The following DNAH3 variants were observed in gnomAD, a reference collection of about 807,000 sequenced individuals.
DNAH3 encodes dynein axonemal heavy chain 3, also known as axonemal beta dynein heavy chain 3.
A neutral mutation model predicts 432.5 loss-of-function variants in DNAH3; 332 were observed. The ratio of observed to expected loss-of-function variants is 0.77; its 90% confidence interval spans 0.70 to 0.84. The LOEUF is 0.84. Ranked by LOEUF, DNAH3 falls within the 40% of genes least tolerant of loss-of-function variation. DNAH3 has a pLI of 0.00. For synonymous variants in DNAH3, 1,956 were observed against 1,900.2 expected (o/e 1.03, Z -0.76); for missense variants, 4,861 against 5,114.0 (o/e 0.95, Z 1.51).
rs201869307 is a variant in DNAH3 at position 20,974,590 on chromosome 16, T to TG, written c.8259+642_8259+643insC. Among the ~76,000 whole-genome samples, 1,213 of 138,556 alleles carry TG rather than the reference T, an allele frequency of 8.8e-3. 22 individuals carry two copies. Among genetic ancestry groups the TG allele is most frequent in the African/African-American group, 0.031 (1,157 of 37,488 alleles). 90.9% of individuals were successfully genotyped at this position (138,556 alleles called of 152,430 possible). Reference sequence around the variant, plus strand: ...GGCTGTTTTATAGTGTTTTTTTTTTTTTTTTTTTTTTGTAGAGACAGAATC... The same window carrying TG: ...GGCTGTTTTATAGTGTTTTTTTTTTTGTTTTTTTTTTTGTAGAGACAGAATC... On this transcript the variant is annotated intron_variant, in intron 51 of 61. Coordinates refer to ENST00000261383, the Ensembl canonical transcript of DNAH3.
intron 24 of DNAH3, among the ~76,000 whole-genome samples, chr16:21,065,589 T>G (rs558187952): frequency 1.3e-5 from 2 of 152,354 alleles, no homozygotes; most frequent in South Asian, 4.1e-4. Flanking sequence ...TCCACTATAC[T>G]GTGCTGTCCA....
At chr16:21,099,291 T>C (rs186887466) in intron 16 of DNAH3, among the ~76,000 whole-genome samples, 1 of 150,898 alleles carries the variant, frequency 6.6e-6, no homozygotes, top group Non-Finnish European at 1.5e-5. Context: ...GATGGATGGA[T>C]GAATGGATGG....
intron 40 of DNAH3, among the ~76,000 whole-genome samples, chr16:21,020,508 T>C (rs567057627): frequency 6.8e-6 from 1 of 146,368 alleles, no homozygotes; most frequent in African/African-American, 2.5e-5. Flanking sequence ...GTTCAAGTGA[T>C]TCTCCTGCCT....
At position 21,072,814 on chromosome 16, in the gene DNAH3, A is replaced by AATTATTATT. The variant is rs10592697; in HGVS notation, c.3085-1997_3085-1989dup. Among the ~76,000 whole-genome samples, 380 of 146,406 alleles carry AATTATTATT rather than the reference A, an allele frequency of 2.6e-3. 1 individual carries two copies. Among genetic ancestry groups the AATTATTATT allele is most frequent in the Middle Eastern group, 0.014 (4 of 278 alleles). Reference sequence around the variant, plus strand: ...CTGGTGCACATCACCATACTCAGCTAATTATTATTATTATTATTATTATTA... The same window carrying AATTATTATT: ...CTGGTGCACATCACCATACTCAGCTAATTATTATTATTATTATTATTATTATTATTATTA... On this transcript the variant is annotated intron_variant, in intron 21 of 61. Coordinates refer to ENST00000261383, the Ensembl canonical transcript of DNAH3.
At chr16:21,102,078 G>C (rs1339016628) in intron 16 of DNAH3, among the ~76,000 whole-genome samples, 1 of 152,218 alleles carries the variant, frequency 6.6e-6, no homozygotes, top group Admixed American at 6.5e-5. Flanking sequence ...CTCACAGGCT[G>C]TTCTCAGGAT....
At chr16:21,155,810 C>T (rs77079445) in intron 1 of DNAH3, among the ~76,000 whole-genome samples, 1 of 152,066 alleles carries the variant, frequency 6.6e-6, no homozygotes, top group Non-Finnish European at 1.5e-5. Flanking sequence ...CCAAGTTGCC[C>T]CTGCCTCTTG....
At chr16:21,134,734 G>A (rs2092619239) in intron 6 of DNAH3, among the ~76,000 whole-genome samples, 1 of 151,952 alleles carries the variant, frequency 6.6e-6, no homozygotes. Flanking sequence ...AGGCTCGATT[G>A]CAATGGTTCA....
In DNAH3 at chr16:21,106,477, G is replaced by A. The variant is rs571861800; in HGVS notation, c.2284+13C>T. ...GTATGCATTTCGATGGTCACACATG[G>A]CATTGGACTTACACGGCAAGTCTGC... is the stretch of plus-strand genomic sequence containing the variant. On this transcript the variant is annotated intron_variant, in intron 15 of 61. Transcript: ENST00000261383. The A allele has an allele frequency of 1.8e-5, 28 of 1,572,862 alleles. No homozygotes were observed. The South Asian group carries it at 2.5e-4, about 14-fold the overall frequency.
intron 59 of DNAH3, among the ~76,000 whole-genome samples, chr16:20,940,603 T>C (rs2083769624): frequency 1.3e-5 from 2 of 151,548 alleles, no homozygotes; most frequent in Non-Finnish European, 2.9e-5. Flanking sequence ...TTTTTTTTTT[T>C]TTCTTTTTTG....
At chr16:21,072,536 A>G (rs1255669241) in intron 21 of DNAH3, among the ~76,000 whole-genome samples, 1 of 152,058 alleles carries the variant, frequency 6.6e-6, no homozygotes, top group African/African-American at 2.4e-5. Context: ...CATGTTGGCA[A>G]GGTTAGTCTC....
chr16:21,063,845 T>C (rs150259757), intron 24 of DNAH3, among the ~76,000 whole-genome samples: 16 of 152,310 alleles, frequency 1.1e-4, no homozygotes, highest in African/African-American at 3.6e-4. Context: ...CTCAGCCCTT[T>C]ACTATCTTTT....
chr16:21,140,133 G>C (rs1209266352), intron 5 of DNAH3: 1 of 159,828 alleles, frequency 6.3e-6, no homozygotes, highest in African/African-American at 2.4e-5. Context: ...CTATGATAGA[G>C]ATCCCATATA....
chr16:20,976,531 T>C (rs981545955), intron 50 of DNAH3, among the ~76,000 whole-genome samples: 1 of 152,214 alleles, frequency 6.6e-6, no homozygotes. Context: ...TCTTAAAGGC[T>C]ATGAAGAAAA....
chr16:20,940,534 C>T (rs2083765956), intron 59 of DNAH3, among the ~76,000 whole-genome samples: 1 of 151,780 alleles, frequency 6.6e-6, no homozygotes, highest in African/African-American at 2.4e-5. Context: ...TCCAAGAGAT[C>T]CTCCCACTTC....
At chr16:20,947,492 G>A (rs1451303999) in intron 57 of DNAH3, among the ~76,000 whole-genome samples, 1 of 152,178 alleles carries the variant, frequency 6.6e-6, no homozygotes, top group African/African-American at 2.4e-5. Context: ...CTTGAGGCTG[G>A]GACTTGTGAC....
intron 31 of DNAH3, among the ~76,000 whole-genome samples, chr16:21,045,971 G>C (rs2089676890): frequency 6.6e-6 from 1 of 151,384 alleles, no homozygotes; most frequent in Non-Finnish European, 1.5e-5. Context: ...CAGTTTCCAT[G>C]TAGTTGAGCG....
chr16:20,945,279 T>C (rs1442767302), intron 57 of DNAH3, among the ~76,000 whole-genome samples: 2 of 152,180 alleles, frequency 1.3e-5, no homozygotes, highest in Non-Finnish European at 2.9e-5. Flanking sequence ...GCCATGACTG[T>C]TTACAGATGT....
At chr16:21,056,940 A>G (rs1336381568) in intron 27 of DNAH3, among the ~76,000 whole-genome samples, 2 of 152,244 alleles carry the variant, frequency 1.3e-5, no homozygotes, top group African/African-American at 2.4e-5. Context: ...TGGAATCTGT[A>G]TAAGTTTAAA....
chr16:21,082,213 C>T (rs1410033962), intron 19 of DNAH3, among the ~76,000 whole-genome samples: 1 of 151,844 alleles, frequency 6.6e-6, no homozygotes, highest in Admixed American at 6.6e-5. Context: ...TTTAATTAGA[C>T]AGGGTCCTGC....
Sources: allele counts gnomAD v4.1 joint callset (sites outside exome capture counted in the v4.1 genomes callset), GRCh38; gene constraint gnomAD v4.1.1; transcripts MANE v1.5; gene names NCBI Gene and HGNC (gene_info 2026-07-23, HGNC 2026-07-21).